The following GABRB3 variants were observed in gnomAD, a reference collection of about 807,000 sequenced individuals.
The protein encoded by GABRB3 is gamma-aminobutyric acid type A receptor subunit beta3.
GABRB3 carries 14 observed loss-of-function variants against 52.1 expected under a neutral mutation model. That is an observed-to-expected ratio of 0.27 (90% CI 0.18 to 0.42). The LOEUF is 0.42. Ranked by LOEUF, GABRB3 falls within the 10% of genes least tolerant of loss-of-function variation. GABRB3 has a pLI of 1.00. For missense variants in GABRB3, 307 were observed against 609.1 expected (o/e 0.50, Z 5.22); for synonymous variants, 260 against 232.3 (o/e 1.12, Z -1.08).
At chr15:26,679,170 A>C (rs1888160974) in intron 3 of GABRB3, among the ~76,000 whole-genome samples, 1 of 152,126 alleles carries the variant, frequency 6.6e-6, no homozygotes, top group Non-Finnish European at 1.5e-5. Flanking sequence ...CTTTTATTTG[A>C]ATGTGTAAAA....
At chr15:26,619,559 C>T (rs1892394401) in intron 4 of GABRB3, among the ~76,000 whole-genome samples, 1 of 150,548 alleles carries the variant, frequency 6.6e-6, no homozygotes, top group South Asian at 2.1e-4. Flanking sequence ...GGGATATATA[C>T]CTAATGCTAG....
intron 3 of GABRB3, among the ~76,000 whole-genome samples, chr15:26,638,914 A>G (rs1453081505): frequency 6.6e-6 from 1 of 152,178 alleles, no homozygotes; most frequent in Non-Finnish European, 1.5e-5. Context: ...GCCGGGAACT[A>G]GGAAGAGTCT....
rs200839675 is a variant in GABRB3 at position 26,562,526 on chromosome 15, T to C, written c.836-1350A>G. On this transcript the variant is annotated intron_variant, in intron 7 of 8. Transcript: ENST00000311550. Reference sequence around the variant, plus strand: ...TAGTGCCAGCCCTACATTTCAGCACTGTCCAGATATGTACTCTGGGACGGA... The same window carrying C: ...TAGTGCCAGCCCTACATTTCAGCACCGTCCAGATATGTACTCTGGGACGGA... 9.8e-5 allele frequency among the ~76,000 whole-genome samples: 15 copies of C among 152,374 alleles called. No homozygotes were observed. In the East Asian group the frequency reaches 2.7e-3, roughly 27 times the overall value.
rs1016182224 is a variant in GABRB3 at position 26,621,816 on chromosome 15, T to C, written c.241-282A>G. Among the ~76,000 whole-genome samples, 6 of 152,150 alleles carry C rather than the reference T, an allele frequency of 3.9e-5. No homozygotes were observed. The highest frequency in any genetic ancestry group is 1.4e-4 in the African/African-American group (6 of 41,434). On this transcript the variant is annotated intron_variant, in intron 3 of 8. Transcript: ENST00000311550. This position sits in a 1 kb window ranked among gnomAD's most constrained non-coding sequence, Gnocchi z 4.1. ...AACTGGCATTTAACAGATAACAGCATAGAAATAAACGGGAAAAAGTCATCG... is the reference window on the plus strand; with the variant it reads ...AACTGGCATTTAACAGATAACAGCACAGAAATAAACGGGAAAAAGTCATCG...
intron 3 of GABRB3, among the ~76,000 whole-genome samples, chr15:26,674,617 A>C (rs975238733): frequency 3.3e-5 from 5 of 152,136 alleles, no homozygotes; most frequent in Non-Finnish European, 5.9e-5. Flanking sequence ...TAATGAAGTG[A>C]GGGAGACTGA....
chr15:26,591,447 T>C (rs942696902), intron 4 of GABRB3, among the ~76,000 whole-genome samples: 1 of 152,196 alleles, frequency 6.6e-6, no homozygotes, highest in Admixed American at 6.5e-5. Context: ...ATCCTAATTT[T>C]GGTGAATGAG....
intron 3 of GABRB3, among the ~76,000 whole-genome samples, chr15:26,730,514 G>A (rs928658158): frequency 6.6e-6 from 1 of 151,926 alleles, no homozygotes; most frequent in African/African-American, 2.4e-5. Context: ...ATGCGGTCAC[G>A]TCCCATTGTG....
chr15:26,725,917 T>C (rs1889759473), intron 3 of GABRB3, among the ~76,000 whole-genome samples: 1 of 152,228 alleles, frequency 6.6e-6, no homozygotes, highest in Non-Finnish European at 1.5e-5. Flanking sequence ...TCTGTGGTTG[T>C]TCAGCATCAC....
At chr15:26,680,088 G>A (rs1836236675) in intron 3 of GABRB3, among the ~76,000 whole-genome samples, 1 of 152,126 alleles carries the variant, frequency 6.6e-6, no homozygotes, top group Admixed American at 6.5e-5. Context: ...TTTTGAGTAA[G>A]GCAGATTCCC....
At chr15:26,601,052 C>T (rs953963964) in intron 4 of GABRB3, among the ~76,000 whole-genome samples, 6 of 152,006 alleles carry the variant, frequency 3.9e-5, no homozygotes, top group African/African-American at 1.5e-4. Context: ...AAATGAGATG[C>T]TGTAAGTATA....
At chr15:26,561,325 C>G (rs1889977326) in intron 7 of GABRB3, 149 bp from the exon 8 acceptor site, 1 of 1,125,122 alleles carries the variant, frequency 8.9e-7, no homozygotes, top group Admixed American at 1.8e-5. Context: ...ACAGAGCATA[C>G]ATCTTGTCAT....
intron 4 of GABRB3, among the ~76,000 whole-genome samples, chr15:26,584,636 G>A (rs1208332442): frequency 6.6e-6 from 1 of 152,176 alleles, no homozygotes; most frequent in African/African-American, 2.4e-5. Context: ...ACCATGCAAT[G>A]GTTAAGCCAA....
intron 4 of GABRB3, among the ~76,000 whole-genome samples, chr15:26,618,914 A>G (rs1892371244): frequency 6.6e-6 from 1 of 150,472 alleles, no homozygotes; most frequent in Admixed American, 6.6e-5. Context: ...AACACATGAA[A>G]AAATGCTCAC....
At chr15:26,578,944 T>G (rs1251135867) in intron 6 of GABRB3, among the ~76,000 whole-genome samples, 4 of 152,226 alleles carry the variant, frequency 2.6e-5, no homozygotes, top group African/African-American at 9.6e-5. Flanking sequence ...AACCTCTCAG[T>G]GCGTCTTCTC....
chr15:26,607,076 A>C (rs1292217776), intron 4 of GABRB3, among the ~76,000 whole-genome samples: 3 of 152,078 alleles, frequency 2.0e-5, no homozygotes, highest in Non-Finnish European at 4.4e-5. Context: ...CCGAGCTGTA[A>C]CCAATCTCGC....
At chr15:26,581,444 T>C (rs973956392) in intron 5 of GABRB3, among the ~76,000 whole-genome samples, 1 of 152,210 alleles carries the variant, frequency 6.6e-6, no homozygotes, top group Admixed American at 6.5e-5. Flanking sequence ...TAATAAAACA[T>C]GCATCTTTCC....
intron 3 of GABRB3, among the ~76,000 whole-genome samples, chr15:26,706,152 A>G (rs1401744832): frequency 6.6e-6 from 1 of 152,162 alleles, no homozygotes; most frequent in Non-Finnish European, 1.5e-5. Flanking sequence ...ACTCCACTCA[A>G]TGTTCATTCA....
At chr15:26,666,567 G>A (rs946273989) in intron 3 of GABRB3, 1 of 152,242 alleles carries the variant, frequency 6.6e-6, no homozygotes, top group Non-Finnish European at 1.5e-5. Context: ...AAGCCACTGA[G>A]AGCCTGACAG....
chr15:26,676,436 G>A (rs1419163245), intron 3 of GABRB3, among the ~76,000 whole-genome samples: 2 of 152,058 alleles, frequency 1.3e-5, no homozygotes, highest in East Asian at 1.9e-4. Context: ...AACCCGGTAG[G>A]ACTAAAACTA....
Sources: allele counts gnomAD v4.1 joint callset (sites outside exome capture counted in the v4.1 genomes callset), GRCh38; gene constraint gnomAD v4.1.1; non-coding constraint Gnocchi (gnomAD v3.1); transcripts MANE v1.5; gene names NCBI Gene and HGNC (gene_info 2026-07-23, HGNC 2026-07-21).